Variants in ITGAE observed in about 807,000 individuals in gnomAD.
ITGAE encodes the protein integrin subunit alpha E, also known as integrin alpha-E.
ITGAE carries 99 observed loss-of-function variants against 136.5 expected under a neutral mutation model. That is an observed-to-expected ratio of 0.73 (90% CI 0.62 to 0.86). ITGAE has a LOEUF of 0.86. Among genes scored for constraint, ITGAE ranks in the 40% least tolerant of loss-of-function variants. The pLI, the probability that ITGAE is intolerant of heterozygous loss-of-function variation, is 0.00. For synonymous variants in ITGAE, 613 were observed against 591.8 expected, an observed-to-expected ratio of 1.04 and a Z score of -0.52; for missense variants, 1,447 against 1,515.3, an observed-to-expected ratio of 0.95 and a Z score of 0.75.
chr17:3,760,865 G>T, intron 6 of ITGAE, 148 bp downstream of exon 6: 1 of 1,197,406 alleles, frequency 8.4e-7, no homozygotes, highest in Non-Finnish European at 1.1e-6. Flanking sequence ...TTATAAGAAA[G>T]AGTGGGTGGA....
rs778694598 is a variant in ITGAE, at chr17:3,755,143, G to A, written c.1358C>T (p.Ala453Val). ...CAGGTAGCTGTACTGCGCAGCCTCCGCGTCTGCCGCCGCCGCCGCTGTCTG... is the reference window on the plus strand; with the variant it reads ...CAGGTAGCTGTACTGCGCAGCCTCCACGTCTGCCGCCGCCGCCGCTGTCTG... ...LNQTAAAAAD[A>V]EAAQYSYLGY... Residue 453 changes from alanine (A) to valine (V), a missense_variant, in exon 12 of 31, where the codon GCG becomes GTG. Physicochemically the swap from Ala to Val is moderately conservative, Grantham distance 64. Around this residue, in one of 3 missense-constraint regions of ITGAE, gnomAD observed 1,031 missense variants for 1,011.4 expected, o/e 1.02. Coordinates refer to ENST00000263087, the MANE Select transcript of ITGAE (RefSeq NM_002208.5). 13 of 1,525,414 alleles carry A rather than the reference G, an allele frequency of 8.5e-6. No homozygotes were observed. Among genetic ancestry groups the A allele is most frequent in the Middle Eastern group, 3.4e-4 (2 of 5,866 alleles). 94.5% of individuals were successfully genotyped at this position (1,525,414 alleles called of 1,614,324 possible).
chr17:3,748,842 GGGA>G (rs1254638696), intron 16 of ITGAE, among the ~76,000 whole-genome samples: 2 of 152,190 alleles, frequency 1.3e-5, no homozygotes, highest in South Asian at 2.1e-4. Context: ...GACAGAGGAT[GGGA>G]GGAGGAGATG....
At chr17:3,774,618 A>G (rs931597986) in intron 2 of ITGAE, among the ~76,000 whole-genome samples, 1 of 151,988 alleles carries the variant, frequency 6.6e-6, no homozygotes. Context: ...ACAAAAAATT[A>G]GCTGGGCGTG....
intron 27 of ITGAE, 128 bp downstream of exon 27, chr17:3,723,560 C>T (rs933626917): frequency 1.8e-6 from 2 of 1,105,940 alleles, no homozygotes; most frequent in African/African-American, 1.6e-5. Context: ...AGGGACGAAG[C>T]TAGGGAGGGC....
At chr17:3,734,110 G>A (rs1444741747) in intron 21 of ITGAE, among the ~76,000 whole-genome samples, 3 of 152,138 alleles carry the variant, frequency 2.0e-5, no homozygotes, top group Admixed American at 6.5e-5. Flanking sequence ...TTGCTCTGTG[G>A]CCCAGGCTGG....
rs777942897 is a variant in ITGAE, at chr17:3,760,294, A to T, written c.599-7T>A. 6.3e-7 allele frequency: 1 copy of T among 1,584,654 alleles called. No individual in the cohort carries two copies. Among genetic ancestry groups the T allele is most frequent in the Non-Finnish European group, 8.7e-7 (1 of 1,153,622 alleles). ...ATGATGGCAATCTCGGTGCCTGGCC[A>T]AGACAAACAGGTCAGGAGTGGGCAT... On this transcript the variant is annotated splice_polypyrimidine_tract_variant and splice_region_variant and intron_variant, in intron 6 of 30. Coordinates refer to ENST00000263087, the MANE Select transcript of ITGAE (RefSeq NM_002208.5).
In ITGAE at chr17:3,776,347, C is replaced by T. The variant is rs563131439; in HGVS notation, c.155+1193G>A. Among the ~76,000 whole-genome samples the T allele has an allele frequency of 6.6e-5, 10 of 151,586 alleles. No individual in the cohort carries two copies. In the South Asian group the frequency reaches 8.3e-4, roughly 13 times the overall value. On this transcript the variant is annotated intron_variant, in intron 2 of 30. Coordinates refer to ENST00000263087, the MANE Select transcript of ITGAE (RefSeq NM_002208.5). ...TGCTGGGATTACAGGCGTGAGCCAC[C>T]GCGCCCGGCAGAACCTGTGCTAAGC...
chr17:3,788,198 CTT>C (rs200999689), intron 1 of ITGAE, among the ~76,000 whole-genome samples: 9 of 141,038 alleles, frequency 6.4e-5, no homozygotes, highest in South Asian at 2.2e-4. Context: ...CACTCACTTA[CTT>C]TTTTTTTTTT....
chr17:3,738,659 C>A lies in ITGAE; in HGVS notation c.2522+1146G>T, dbSNP rs114174346. ...AAGTGTGGCTAATGTGACTGAGGAA[C>A]AAAATGTTTCATTGTGATTAATTTT... On this transcript the variant is annotated intron_variant, in intron 20 of 30. Transcript: ENST00000263087. Among the ~76,000 whole-genome samples, 626 of 152,300 alleles carry A rather than the reference C, an allele frequency of 4.1e-3. 7 individuals are homozygous for A. The highest frequency in any genetic ancestry group is 0.014 in the African/African-American group (591 of 41,568).
chr17:3,726,312 C>T, intron 26 of ITGAE: 1 of 1,612,018 alleles, frequency 6.2e-7, no homozygotes, highest in Non-Finnish European at 8.5e-7. Context: ...CTTGCTCTGC[C>T]AGCACAGTCT....
At position 3,728,030 on chromosome 17, in the gene ITGAE, C is replaced by G. The variant is rs147613723; in HGVS notation, c.2977-4G>C. ...CAAAGAGGTTCTCCCCATGTACCTG[C>G]AAATTAAAATCAGAGTAGGAAATCA... On this transcript the variant is annotated splice_region_variant and splice_polypyrimidine_tract_variant and intron_variant, in intron 25 of 30. Coordinates refer to ENST00000263087, the MANE Select transcript of ITGAE (RefSeq NM_002208.5). 2.7e-3 allele frequency: 4,306 copies of G among 1,612,438 alleles called. 77 individuals carry two copies. In the Admixed American group the frequency reaches 0.035, roughly 13 times the overall value.
intron 14 of ITGAE, among the ~76,000 whole-genome samples, chr17:3,752,416 A>T (rs535993996): frequency 1.3e-5 from 2 of 152,318 alleles, no homozygotes; most frequent in East Asian, 1.9e-4. Flanking sequence ...TATGAGAAAC[A>T]AGTGAGATCC....
At chr17:3,786,128 C>T (rs937388708) in intron 1 of ITGAE, among the ~76,000 whole-genome samples, 1 of 146,110 alleles carries the variant, frequency 6.8e-6, no homozygotes, top group African/African-American at 2.6e-5. Flanking sequence ...GATCGCGCCA[C>T]TGCACTCCAG....
At chr17:3,784,238 C>T (rs1279164333) in intron 1 of ITGAE, 4 of 282,694 alleles carry the variant, frequency 1.4e-5, no homozygotes, top group South Asian at 3.1e-5. Context: ...CCCGCCTGGG[C>T]AACAGAGCAA....
At chr17:3,760,432 T>G in intron 6 of ITGAE, 145 bp from the exon 7 acceptor site, 1 of 269,274 alleles carries the variant, frequency 3.7e-6, no homozygotes. Context: ...GAGGGAAGCT[T>G]TTTTTTTTTT....
chr17:3,723,194 T>C (rs1176604299), intron 28 of ITGAE, 94 bp downstream of exon 28: 1 of 894,976 alleles, frequency 1.1e-6, no homozygotes, highest in Non-Finnish European at 1.9e-6. Context: ...ATTTTGGACA[T>C]GGACATGTTA....
At position 3,769,974 on chromosome 17, in the gene ITGAE, C is replaced by T. The variant is rs117949278; in HGVS notation, c.156-6014G>A. Among the ~76,000 whole-genome samples, 631 of 152,082 alleles carry T rather than the reference C, an allele frequency of 4.1e-3. 2 individuals carry two copies. Among genetic ancestry groups the T allele is most frequent in the Middle Eastern group, 6.8e-3 (2 of 294 alleles). On this transcript the variant is annotated intron_variant, in intron 2 of 30. Transcript: ENST00000263087. ...TTCCAAAGTGCTGAGACTACAGGCA[C>T]GAGCCACCATGCCTGACCTTATTTA...
At position 3,743,480 on chromosome 17, in the gene ITGAE, TAG is replaced by T; in HGVS notation, c.2448+7_2448+8del. The T allele has an allele frequency of 6.3e-7, 1 of 1,585,418 alleles. No homozygotes were observed. Among genetic ancestry groups the T allele is most frequent in the Non-Finnish European group, 8.6e-7 (1 of 1,169,008 alleles). ...AAGAGGGCTGGGTACTGGCTGTGGG[TAG>T]AGTCACCTGGAAGATGGCAAAGGGC... On this transcript the variant is annotated splice_region_variant and intron_variant, in intron 19 of 30. Coordinates refer to ENST00000263087, the MANE Select transcript of ITGAE (RefSeq NM_002208.5).
At chr17:3,763,145 G>A (rs1360805764) in intron 3 of ITGAE, among the ~76,000 whole-genome samples, 1 of 152,064 alleles carries the variant, frequency 6.6e-6, no homozygotes, top group Non-Finnish European at 1.5e-5. Context: ...TACCCGCCTT[G>A]GCCTCCCAGT....
Sources: gnomAD v4.1 joint callset for allele counts (sites outside exome capture counted in the v4.1 genomes callset) on GRCh38, gnomAD v4.1.1 for gene constraint, gnomAD v4.1.1 regional missense constraint, MANE v1.5 for transcripts, NCBI Gene and HGNC (gene_info 2026-07-23, HGNC 2026-07-21) for gene names.